The following TRIM9 variants were observed in gnomAD, a reference collection of about 807,000 sequenced individuals.
TRIM9 encodes the protein E3 ubiquitin-protein ligase TRIM9.
TRIM9 carries 26 observed loss-of-function variants against 78.3 expected under a neutral mutation model. The ratio of observed to expected loss-of-function variants is 0.33; its 90% confidence interval spans 0.24 to 0.46. The LOEUF (loss-of-function observed/expected upper bound fraction) is 0.46. TRIM9 is among the 20% of genes least tolerant of loss of function. The probability of loss-of-function intolerance (pLI) is 1.00; values close to 1 mark genes in which losing one functional copy is unlikely to be tolerated. For missense variants in TRIM9, 787 were observed against 1,036.4 expected, an observed-to-expected ratio of 0.76 and a Z score of 3.30; for synonymous variants, 398 against 416.5, an observed-to-expected ratio of 0.96 and a Z score of 0.54.
chr14:51,092,849 T>C (rs2064500847), intron 1 of TRIM9, among the ~76,000 whole-genome samples: 1 of 152,034 alleles, frequency 6.6e-6, no homozygotes, highest in South Asian at 2.1e-4. Flanking sequence ...GGATAAATAC[T>C]ACTGAGGAAA....
In TRIM9 at chr14:51,094,826, C is replaced by G. The variant is rs375724132; in HGVS notation, c.114G>C (p.Leu38=). ...NLCQACARNI[L]VQTPESESPQ... is the part of the protein sequence containing the mutation. ...GGGATTCAGACTCTGGGGTCTGCACCAGGATGTTGCGGGCGCACGCCTGAC... is the reference window on the plus strand; with the variant it reads ...GGGATTCAGACTCTGGGGTCTGCACGAGGATGTTGCGGGCGCACGCCTGAC... The change falls in exon 1 of 13, where the codon CTG becomes CTC. Residue 38 remains leucine, a synonymous_variant. Transcript: ENST00000684578. 3.3e-6 allele frequency: 5 copies of G among 1,534,936 alleles called. No individual in the cohort carries two copies. In the African/African-American group the frequency reaches 5.6e-5, roughly 17 times the overall value.
chr14:51,010,220 G>A (rs775820617), intron 4 of TRIM9, among the ~76,000 whole-genome samples, 164 bp downstream of exon 4: 3 of 152,150 alleles, frequency 2.0e-5, no homozygotes, highest in Non-Finnish European at 4.4e-5. Flanking sequence ...AGTCAGTGGA[G>A]TTTATTTAGC....
In TRIM9 at chr14:50,998,130, G is replaced by A; in HGVS notation, c.1523C>T (p.Thr508Ile). ...GAAGGCCTTGACCCGAGCGTTGTAT[G>A]TGCTGTTGAAGTGAAGACCATCCAC... ...CTVDGLHFNS[T>I]YNARVKAFNK... The change falls in exon 7 of 13, where the codon ACA (threonine) becomes ATA (isoleucine). Residue 508 changes from threonine (T) to isoleucine (I), a missense_variant. By Grantham distance (89) the Thr-to-Ile change is moderately conservative (BLOSUM62 -1). Coordinates refer to ENST00000684578, the MANE Select transcript of TRIM9 (RefSeq NM_001387360.1). 3 of 1,614,200 alleles carry A rather than the reference G, an allele frequency of 1.9e-6. No homozygotes were observed. The highest frequency in any genetic ancestry group is 1.3e-5 in the African/African-American group (1 of 75,052).
chr14:50,981,871 G>A lies in TRIM9; in HGVS notation c.2091C>T (p.Asp697=), dbSNP rs757270399. 33 of 1,614,042 alleles carry A rather than the reference G, an allele frequency of 2.0e-5. No homozygotes were observed. Among genetic ancestry groups the A allele is most frequent in the South Asian group, 6.6e-5 (6 of 91,088 alleles). ...CCACATACATTGCCCAAGCTTTGTC[G>A]TCTTTTCCTAACATCACATCCTTCA... ...DVMKDVMLGK[D]DKAWAMYVDN... is the part of the protein sequence containing the mutation. The change falls in exon 11 of 13, where the codon GAC becomes GAT. Residue 697 remains aspartate (D), a synonymous_variant. Coordinates refer to ENST00000684578, the MANE Select transcript of TRIM9 (RefSeq NM_001387360.1).
rs2054490244 is a variant in TRIM9, at chr14:50,998,284, G to A, written c.1465-96C>T. The A allele has an allele frequency of 1.8e-5, 21 of 1,178,468 alleles. No individual in the cohort carries two copies. In the South Asian group the frequency reaches 2.8e-4, roughly 16 times the overall value. 73.0% of individuals were successfully genotyped at this position (1,178,468 alleles called of 1,614,324 possible). ...TCAGTGGTTAGGAGCAAGAGCCCTG[G>A]TGTCATTCTAATCTGGATTTGAATC... On this transcript the variant is annotated intron_variant, in intron 6 of 12. Transcript: ENST00000684578.
chr14:51,022,259 T>A (rs1293718202), intron 3 of TRIM9, among the ~76,000 whole-genome samples: 5 of 152,180 alleles, frequency 3.3e-5, no homozygotes, highest in Admixed American at 2.0e-4. Flanking sequence ...AATGCTATTA[T>A]CTTGGGAGTG....
At chr14:51,010,262 A>T (rs2056410744) in intron 4 of TRIM9, 122 bp downstream of exon 4, 1 of 683,556 alleles carries the variant, frequency 1.5e-6, no homozygotes, top group East Asian at 2.6e-5. Flanking sequence ...CTGCAGTGTG[A>T]GGTAGGTTCT....
At position 51,062,597 on chromosome 14, in the gene TRIM9, G is replaced by A. The variant is rs569756340; in HGVS notation, c.822+31521C>T. 2.6e-5 allele frequency among the ~76,000 whole-genome samples: 4 copies of A among 152,152 alleles called. No homozygotes were observed. The East Asian group carries it at 7.7e-4, about 29-fold the overall frequency. On this transcript the variant is annotated intron_variant, in intron 1 of 12. Coordinates refer to ENST00000684578, the MANE Select transcript of TRIM9 (RefSeq NM_001387360.1). ...CTATGTTTATAGGGGTTATTTTGGT[G>A]GGGGAGGGATATCAAGGATAGTCAG... is the stretch of plus-strand genomic sequence containing the variant.
chr14:50,990,370 G>A (rs545933967), intron 7 of TRIM9, among the ~76,000 whole-genome samples: 1 of 152,222 alleles, frequency 6.6e-6, no homozygotes, highest in East Asian at 1.9e-4. Context: ...CCTGTCATGT[G>A]CCAGACATTG....
intron 1 of TRIM9, among the ~76,000 whole-genome samples, chr14:51,042,437 A>G (rs1023790579): frequency 2.6e-5 from 4 of 152,208 alleles, no homozygotes; most frequent in Non-Finnish European, 5.9e-5. Context: ...AAATTCACTC[A>G]CATTAAAATT....
chr14:51,088,339 C>T (rs923181209), intron 1 of TRIM9, among the ~76,000 whole-genome samples: 4 of 152,120 alleles, frequency 2.6e-5, no homozygotes, highest in African/African-American at 9.7e-5. Flanking sequence ...TTGTTTGTTG[C>T]AGGATGTGTA....
At position 51,052,631 on chromosome 14, in the gene TRIM9, T is replaced by G. The variant is rs138497251; in HGVS notation, c.823-27271A>C. On this transcript the variant is annotated intron_variant, in intron 1 of 12. Coordinates refer to ENST00000684578, the MANE Select transcript of TRIM9 (RefSeq NM_001387360.1). ...AGCCTCTGATTTAAAGTAGGAATTC[T>G]GATGCAGGCAGAGGCGGCCAAAATT... 7.8e-3 allele frequency among the ~76,000 whole-genome samples: 1,190 copies of G among 152,350 alleles called. 26 individuals are homozygous for G. Among genetic ancestry groups the G allele is most frequent in the African/African-American group, 0.027 (1,125 of 41,582 alleles).
chr14:51,065,096 C>A (rs1307535107), intron 1 of TRIM9, among the ~76,000 whole-genome samples: 1 of 152,092 alleles, frequency 6.6e-6, no homozygotes, highest in Non-Finnish European at 1.5e-5. Flanking sequence ...AATAGCTCAA[C>A]ATTTTGTGGG....
rs1203824918 is a variant in TRIM9 at position 51,028,661 on chromosome 14, T to C, written c.823-3301A>G. Among the ~76,000 whole-genome samples the C allele has an allele frequency of 9.2e-5, 14 of 152,232 alleles. 1 individual carries two copies. Among genetic ancestry groups the C allele is most frequent in the Admixed American group, 9.2e-4 (14 of 15,286 alleles). On this transcript the variant is annotated intron_variant, in intron 1 of 12. Coordinates refer to ENST00000684578, the MANE Select transcript of TRIM9 (RefSeq NM_001387360.1). ...AGGTACGTTCTAAAGCTGTTTATAA[T>C]GCCTAAGCAGTGACATTCGGATTTC...
chr14:50,982,217 G>A (rs2052026256), intron 10 of TRIM9, 114 bp from the exon 11 acceptor site: 5 of 1,277,706 alleles, frequency 3.9e-6, no homozygotes, highest in African/African-American at 1.5e-5. Context: ...CTGCCATGCA[G>A]GAAGGAGGCG....
intron 1 of TRIM9, among the ~76,000 whole-genome samples, chr14:51,073,573 T>G (rs1054527936): frequency 1.2e-4 from 19 of 152,190 alleles, no homozygotes; most frequent in Admixed American, 7.2e-4. Flanking sequence ...GACATTTATA[T>G]GAAATAGAAA....
intron 1 of TRIM9, among the ~76,000 whole-genome samples, chr14:51,053,680 T>C (rs970076501): frequency 8.0e-5 from 12 of 150,334 alleles, no homozygotes; most frequent in East Asian, 1.9e-4. Flanking sequence ...ATGTGCCATG[T>C]TGGTGCGCTG....
chr14:51,014,472 A>G (rs2056929945), intron 3 of TRIM9, among the ~76,000 whole-genome samples: 1 of 152,192 alleles, frequency 6.6e-6, no homozygotes, highest in Non-Finnish European at 1.5e-5. Context: ...AACCATTCAC[A>G]ATGATCACAA....
At chr14:51,081,200 C>T (rs773964879) in intron 1 of TRIM9, among the ~76,000 whole-genome samples, 1 of 152,154 alleles carries the variant, frequency 6.6e-6, no homozygotes, top group Non-Finnish European at 1.5e-5. Context: ...TTTAAATAGA[C>T]ATTTCTCTTA....
Sources: gnomAD v4.1 joint callset for allele counts (sites outside exome capture counted in the v4.1 genomes callset) on GRCh38, gnomAD v4.1.1 for gene constraint, MANE v1.5 for transcripts, NCBI Gene and HGNC (gene_info 2026-07-23, HGNC 2026-07-21) for gene names.